DYRK1A: variants seen among roughly 807,000 people sequenced by gnomAD.
DYRK1A encodes the protein dual specificity tyrosine phosphorylation regulated kinase 1A.
DYRK1A carries 9 observed loss-of-function variants against 79.7 expected under a neutral mutation model. The ratio of observed to expected loss-of-function variants is 0.11; its 90% CI spans 0.07 to 0.20. The LOEUF (loss-of-function observed/expected upper bound fraction) is 0.20, where lower values mean the gene tolerates loss of function less well. DYRK1A is among the 10% of genes least tolerant of loss of function. The probability of loss-of-function intolerance (pLI) is 1.00; values close to 1 mark genes in which losing one functional copy is unlikely to be tolerated. For synonymous variants in DYRK1A, 349 were observed against 329.7 expected (o/e 1.06, Z -0.63); for missense variants, 622 against 956.0 (o/e 0.65, Z 4.61).
In DYRK1A at chr21:37,522,353, AAACTT is replaced by A. The variant is rs889949985; in HGVS notation, c.*9826_*9830del. The stretch of plus-strand genomic sequence containing the variant: ...CCCAACACCTCACTTTAGAGTGAGA[AAACTT>A]AACAGGTTTAAGCAACTTGCAGAAG... On this transcript the variant is annotated 3_prime_UTR_variant, in exon 12 of 12. Transcript: ENST00000647188. 5 of 152,236 alleles carry A rather than the reference AAACTT, an allele frequency of 3.3e-5. No individual in the cohort carries two copies. Among genetic ancestry groups the A allele is most frequent in the African/African-American group, 9.7e-5 (4 of 41,450 alleles). The allele number at this position is 152,236 out of a possible 1,614,324, so 9.4% of individuals were successfully genotyped here.
At position 37,520,821 on chromosome 21, in the gene DYRK1A, C is replaced by T. The variant is rs2053929673; in HGVS notation, c.*8290C>T. Reference sequence around the variant, plus strand: ...GGTCCTCCCAGCAGGGGCTCCAGCGCTCACCGCTGGGTGAGATCTACAGGG... The same window carrying T: ...GGTCCTCCCAGCAGGGGCTCCAGCGTTCACCGCTGGGTGAGATCTACAGGG... On this transcript the variant is annotated 3_prime_UTR_variant, in exon 12 of 12. Transcript: ENST00000647188. The T allele has an allele frequency of 6.6e-6, 1 of 152,234 alleles. No individual in the cohort carries two copies. Among genetic ancestry groups the T allele is most frequent in the Non-Finnish European group, 1.5e-5 (1 of 68,084 alleles). The allele number at this position is 152,234 out of a possible 1,614,324, so 9.4% of individuals were successfully genotyped here.
At chr21:37,409,069 C>T (rs781189188) in intron 1 of DYRK1A, among the ~76,000 whole-genome samples, 7 of 152,022 alleles carry the variant, frequency 4.6e-5, no homozygotes, top group Non-Finnish European at 1.0e-4. Context: ...GTGGCATTTA[C>T]GGGCAGAGGT....
upstream of DYRK1A, among the ~76,000 whole-genome samples, chr21:37,366,653 G>T (rs1374852277): frequency 6.6e-6 from 1 of 151,848 alleles, no homozygotes; most frequent in African/African-American, 2.4e-5. Context: ...GGAAAGGAGG[G>T]AACGGAATCT....
At chr21:37,427,371 G>A (rs527641314) in intron 2 of DYRK1A, among the ~76,000 whole-genome samples, 19 of 152,264 alleles carry the variant, frequency 1.2e-4, no homozygotes, top group Admixed American at 6.5e-5. Flanking sequence ...TGATTCTTCC[G>A]CCTTAACCTC....
intron 1 of DYRK1A, among the ~76,000 whole-genome samples, chr21:37,416,644 A>G (rs770614672): frequency 6.6e-6 from 1 of 152,122 alleles, no homozygotes; most frequent in Non-Finnish European, 1.5e-5. Flanking sequence ...TTATAAGAGA[A>G]TGTTAGTTAA....
At position 37,525,305 on chromosome 21, in the gene DYRK1A, T is replaced by C. The variant is rs2053960746; in HGVS notation, c.*12774T>C. On this transcript the variant is annotated 3_prime_UTR_variant, in exon 12 of 12. Coordinates refer to ENST00000647188, the MANE Select transcript of DYRK1A (RefSeq NM_001347721.2). ...CATGGTTGGGGAGGCCTCACAATCGTTGTGGAAGGTAAAGGAGAAGCCAAG... is the reference window on the plus strand; with the variant it reads ...CATGGTTGGGGAGGCCTCACAATCGCTGTGGAAGGTAAAGGAGAAGCCAAG... 6.6e-6 allele frequency: 1 copy of C among 152,242 alleles called. No individual in the cohort carries two copies. Among genetic ancestry groups the C allele is most frequent in the Non-Finnish European group, 1.5e-5 (1 of 68,068 alleles). The allele number at this position is 152,242 out of a possible 1,614,324, so 9.4% of individuals were successfully genotyped here.
At chr21:37,492,836 A>C (rs1191387234) in intron 7 of DYRK1A, among the ~76,000 whole-genome samples, 181 bp from the exon 8 acceptor site, 1 of 152,160 alleles carries the variant, frequency 6.6e-6, no homozygotes, top group Admixed American at 6.5e-5. Flanking sequence ...CAGATTAACC[A>C]ATCCCTCAAA....
At chr21:37,434,948 A>G (rs540815097) in intron 2 of DYRK1A, among the ~76,000 whole-genome samples, 2 of 152,360 alleles carry the variant, frequency 1.3e-5, no homozygotes, top group African/African-American at 4.8e-5. Flanking sequence ...AAAAGTTGAA[A>G]TGTTGATGGC....
At chr21:37,426,472 C>A (rs951394694) in intron 2 of DYRK1A, among the ~76,000 whole-genome samples, 1 of 151,836 alleles carries the variant, frequency 6.6e-6, no homozygotes, top group African/African-American at 2.4e-5. Flanking sequence ...GAAAATGATA[C>A]AAACACTAAA....
intron 1 of DYRK1A, among the ~76,000 whole-genome samples, chr21:37,392,931 A>G (rs1165394602): frequency 6.6e-6 from 1 of 152,252 alleles, no homozygotes; most frequent in East Asian, 1.9e-4. Context: ...TGTCCTCACA[A>G]GGCAGAACGT....
At chr21:37,398,080 T>A (rs9980136) in intron 1 of DYRK1A, among the ~76,000 whole-genome samples, 1 of 145,986 alleles carries the variant, frequency 6.8e-6, no homozygotes, top group South Asian at 2.1e-4. Context: ...AAAAAAAATA[T>A]ATATATATAT....
intron 2 of DYRK1A, among the ~76,000 whole-genome samples, chr21:37,455,523 G>A (rs2051607312): frequency 2.0e-5 from 3 of 152,106 alleles, no homozygotes; most frequent in South Asian, 2.1e-4. Context: ...GCTTGGAACC[G>A]CTGAGTCATT....
chr21:37,454,981 G>A (rs961795484), intron 2 of DYRK1A, among the ~76,000 whole-genome samples: 1 of 151,108 alleles, frequency 6.6e-6, no homozygotes. Flanking sequence ...TGTCAAAGCC[G>A]GTAGTGATTG....
intron 1 of DYRK1A, among the ~76,000 whole-genome samples, chr21:37,391,722 T>G (rs780669155): frequency 3.9e-5 from 6 of 152,260 alleles, no homozygotes; most frequent in Non-Finnish European, 8.8e-5. Context: ...CTTGATAACC[T>G]AGCCCTAGTT....
At chr21:37,501,830 A>G (rs535973984) in intron 9 of DYRK1A, 1 of 152,294 alleles carries the variant, frequency 6.6e-6, no homozygotes, top group African/African-American at 2.4e-5. Context: ...TCTGTCAGTA[A>G]TTGAGAGAAG....
intron 1 of DYRK1A, among the ~76,000 whole-genome samples, chr21:37,409,158 G>A (rs771240764): frequency 7.2e-5 from 11 of 152,182 alleles, no homozygotes; most frequent in Non-Finnish European, 1.6e-4. Flanking sequence ...TGGCTGGAGT[G>A]TAGATGTGTA....
At chr21:37,506,405 T>C in intron 11 of DYRK1A, 182 bp downstream of exon 11, 1 of 1,510,060 alleles carries the variant, frequency 6.6e-7, no homozygotes, top group Non-Finnish European at 8.9e-7. Flanking sequence ...CTCCTCCTTG[T>C]CTAGAAGTGG....
In DYRK1A at chr21:37,519,736, G is replaced by GTTTTTTTTGTTTTTTTTTT. The variant is rs58947386; in HGVS notation, c.*7213_*7214insGTTTTTTTTTTTTTTTTTT. The GTTTTTTTTGTTTTTTTTTT allele has an allele frequency of 1.9e-3, 163 of 85,778 alleles. 14 individuals carry two copies. The highest frequency in any genetic ancestry group is 7.5e-3 in the African/African-American group (154 of 20,592). The allele number at this position is 85,778 out of a possible 1,614,324, so 5.3% of individuals were successfully genotyped here. A position where few individuals can be genotyped will look rare whatever the true frequency, so the allele number is the denominator to read the frequency against. ...AGAGTTTTGAGGTTTGTTGTGGGAA[G>GTTTTTTTTGTTTTTTTTTT]TTTTTTTTTTTTTTTTTTTTTTTGA... On this transcript the variant is annotated 3_prime_UTR_variant, in exon 12 of 12. Transcript: ENST00000647188.
At position 37,493,584 on chromosome 21, in the gene DYRK1A, C is replaced by T. The variant is rs1028819911; in HGVS notation, c.1071+421C>T. ...CTCAGTCTGAATAATGTAGAGTAAA[C>T]GAGATTATAGACTTGTAGGGCTACA... On this transcript the variant is annotated intron_variant, in intron 8 of 11. Transcript: ENST00000647188. Among the ~76,000 whole-genome samples, 4 of 152,146 alleles carry T rather than the reference C, an allele frequency of 2.6e-5. No individual in the cohort carries two copies. The South Asian group carries it at 6.2e-4, about 24-fold the overall frequency.
Sources: gnomAD v4.1 joint callset for allele counts (sites outside exome capture counted in the v4.1 genomes callset) on GRCh38, gnomAD v4.1.1 for gene constraint, MANE v1.5 for transcripts, NCBI Gene and HGNC (gene_info 2026-07-23, HGNC 2026-07-21) for gene names.